ZNF114: variants seen among roughly 807,000 people sequenced by gnomAD.
ZNF114 encodes the protein zinc finger protein 114 (Y18).
Under a neutral mutation model 6.8 loss-of-function variants are expected in ZNF114, and 8 were observed. The ratio of observed to expected loss-of-function variants is 1.18; its 90% CI spans 0.69 to 2.13. The LOEUF is 2.13. Ranked by LOEUF, ZNF114 falls within the 30% of genes most tolerant of loss-of-function variation. The probability of loss-of-function intolerance (pLI) is 0.00; values close to 1 mark genes in which losing one functional copy is unlikely to be tolerated. For synonymous variants in ZNF114, 169 were observed against 185.5 expected (o/e 0.91, Z 0.72); for missense variants, 472 against 519.5 (o/e 0.91, Z 0.89).
At position 48,286,441 on chromosome 19, in the gene ZNF114, G is replaced by T; in HGVS notation, c.817G>T (p.Glu273Ter). 6.2e-7 allele frequency: 1 copy of T among 1,614,192 alleles called. No individual in the cohort carries two copies. The highest frequency in any genetic ancestry group is 8.5e-7 in the Non-Finnish European group (1 of 1,180,044). ...HAMQMQLYTAETNKKDCQTGA... is the reference protein window; with the variant it reads ...HAMQMQLYTA ...CATGCAGATGCAGTTGTATACCGCAGAGACAAACAAGAAGGATTGTCAAAC... is the reference window on the plus strand; with the variant it reads ...CATGCAGATGCAGTTGTATACCGCATAGACAAACAAGAAGGATTGTCAAAC... The change falls in exon 6 of 6, where the codon GAG becomes TAG. Residue 273 changes from glutamate to a stop codon, truncating the protein, a stop_gained. Transcript: ENST00000595607. LOFTEE classifies it low-confidence loss of function (END_TRUNC).
At chr19:48,280,972 C>T (rs1473699525) in intron 4 of ZNF114, among the ~76,000 whole-genome samples, 1 of 152,134 alleles carries the variant, frequency 6.6e-6, no homozygotes, top group Non-Finnish European at 1.5e-5. Flanking sequence ...TCGCGTGACT[C>T]AGGTACTCTT....
Position 48,285,930 on chromosome 19 carries a change from G to A in ZNF114, c.306G>A (p.Gly102=). The A allele has an allele frequency of 6.2e-7, 1 of 1,614,062 alleles. No homozygotes were observed. The highest frequency in any genetic ancestry group is 1.3e-5 in the African/African-American group (1 of 75,032). ...CPKTEEPHRQ[G]VNNVKPPAVA... ...AAACAGAGGAACCACACAGGCAGGG[G>A]GTGAATAATGTGAAGCCACCTGCAG... Residue 102 remains glycine (G), a synonymous_variant, in exon 6 of 6, where the codon GGG becomes GGA. Coordinates refer to ENST00000595607, the MANE Select transcript of ZNF114 (RefSeq NM_153608.4).
chr19:48,280,605 T>C (rs1238265845), intron 4 of ZNF114, among the ~76,000 whole-genome samples: 3 of 143,980 alleles, frequency 2.1e-5, no homozygotes, highest in African/African-American at 7.8e-5. Flanking sequence ...CAGGCTGGAG[T>C]GCAATGGCAT....
In ZNF114 at chr19:48,283,802, C is replaced by T. The variant is rs10409150; in HGVS notation, c.136+1305C>T. On this transcript the variant is annotated intron_variant, in intron 5 of 5. Transcript: ENST00000595607. ...AGGCTGGAGTGCAGTGGCGCGATCT[C>T]GGCTCACTGCAACCTCCACCTCCCG... is the stretch of plus-strand genomic sequence containing the variant. 1.4e-3 allele frequency among the ~76,000 whole-genome samples: 217 copies of T among 151,942 alleles called. 1 individual carries two copies. The highest frequency in any genetic ancestry group is 4.8e-3 in the African/African-American group (200 of 41,432).
chr19:48,284,891 G>C (rs1293200888), intron 5 of ZNF114, among the ~76,000 whole-genome samples: 5 of 152,188 alleles, frequency 3.3e-5, no homozygotes, highest in African/African-American at 4.8e-5. Flanking sequence ...GCAGTGTGCT[G>C]TGATCACACC....
intron 5 of ZNF114, among the ~76,000 whole-genome samples, chr19:48,283,189 A>C (rs1009126316): frequency 1.3e-5 from 2 of 152,090 alleles, no homozygotes; most frequent in East Asian, 3.9e-4. Context: ...CTAATGCATT[A>C]CATTTTTATT....
At chr19:48,277,389 G>A (rs987745797) in intron 3 of ZNF114, among the ~76,000 whole-genome samples, 22 of 152,108 alleles carry the variant, frequency 1.4e-4, no homozygotes, top group African/African-American at 5.1e-4. Context: ...CTGGAATTCT[G>A]TAGTTTTCCG....
intron 3 of ZNF114, among the ~76,000 whole-genome samples, chr19:48,276,033 A>C (rs10415586): frequency 0.44 from 60,032 of 136,916 alleles, 14,128 homozygotes; most frequent in East Asian, 0.53. Context: ...TCAAGCTAAC[A>C]TTGGTGGGGT....
At position 48,273,088 on chromosome 19, in the gene ZNF114, C is replaced by G. The variant is rs572900234; in HGVS notation, c.-70+1260C>G. Among the ~76,000 whole-genome samples the G allele has an allele frequency of 4.6e-5, 7 of 152,314 alleles. No homozygotes were observed. In the South Asian group the frequency reaches 1.0e-3, roughly 23 times the overall value. On this transcript the variant is annotated intron_variant, in intron 3 of 5. Transcript: ENST00000595607. ...GGGATTACAGGCGTGAGCCACAGCG[C>G]CTGGCCAGATAAAGAGCTTTGAGGG...
intron 3 of ZNF114, among the ~76,000 whole-genome samples, chr19:48,274,809 A>C (rs1967781637): frequency 6.6e-6 from 1 of 151,262 alleles, no homozygotes; most frequent in African/African-American, 2.4e-5. Flanking sequence ...CCTGGCCTAG[A>C]GTTATGTTTC....
chr19:48,284,944 G>A (rs939647379), intron 5 of ZNF114, among the ~76,000 whole-genome samples: 2 of 151,812 alleles, frequency 1.3e-5, no homozygotes, highest in African/African-American at 4.8e-5. Context: ...GGGCAACCTA[G>A]TGACACCCTC....
chr19:48,270,713 AAG>A (rs374594651), intron 1 of ZNF114, among the ~76,000 whole-genome samples: 26 of 145,630 alleles, frequency 1.8e-4, no homozygotes, highest in African/African-American at 7.0e-4. Flanking sequence ...AAAAGAAAGA[AAG>A]AGAAGAAAGA....
Position 48,286,216 on chromosome 19 carries a change from A to G in ZNF114, c.592A>G (p.Ser198Gly). ...PCGRKTELKS[S>G]TWTGSQNTVH... Reference sequence around the variant, plus strand: ...TGGGAGAAAAACAGAGCTGAAATCAAGCACATGGACTGGCAGTCAGAACAC... The same window carrying G: ...TGGGAGAAAAACAGAGCTGAAATCAGGCACATGGACTGGCAGTCAGAACAC... Residue 198 changes from serine (S) to glycine (G), a missense_variant, in exon 6 of 6, where the codon AGC becomes GGC. Ser to Gly is a moderately conservative substitution (Grantham distance 56). Coordinates refer to ENST00000595607, the MANE Select transcript of ZNF114 (RefSeq NM_153608.4). 6 of 1,614,250 alleles carry G rather than the reference A, an allele frequency of 3.7e-6. No homozygotes were observed. The highest frequency in any genetic ancestry group is 5.1e-6 in the Non-Finnish European group (6 of 1,180,052).
intron 3 of ZNF114, among the ~76,000 whole-genome samples, chr19:48,276,851 AT>A (rs1326773207): frequency 6.6e-6 from 1 of 152,178 alleles, no homozygotes; most frequent in Non-Finnish European, 1.5e-5. Context: ...AAAATATTCA[AT>A]TGTCCCAACT....
chr19:48,283,791 T>C (rs2147294912), intron 5 of ZNF114, among the ~76,000 whole-genome samples: 2 of 152,094 alleles, frequency 1.3e-5, no homozygotes, highest in South Asian at 4.2e-4. Context: ...TGGAGTGCAG[T>C]GGCGCGATCT....
intron 3 of ZNF114, among the ~76,000 whole-genome samples, chr19:48,275,982 A>G (rs1967818522): frequency 1.0e-5 from 1 of 99,394 alleles, no homozygotes; most frequent in African/African-American, 3.0e-5. Context: ...ACTCCATCTC[A>G]AAAAAAAAAA....
At chr19:48,273,361 C>T (rs1470053623) in intron 3 of ZNF114, among the ~76,000 whole-genome samples, 1 of 152,014 alleles carries the variant, frequency 6.6e-6, no homozygotes, top group Non-Finnish European at 1.5e-5. Flanking sequence ...AGGCAAAAGC[C>T]AACCTCAGCC....
intron 5 of ZNF114, among the ~76,000 whole-genome samples, chr19:48,284,858 C>G (rs766448356): frequency 3.3e-5 from 5 of 152,216 alleles, no homozygotes; most frequent in Non-Finnish European, 7.3e-5. Flanking sequence ...AAGAGGATCA[C>G]TTGATCCCAA....
intron 4 of ZNF114, among the ~76,000 whole-genome samples, chr19:48,281,192 C>T (rs964896415): frequency 3.3e-5 from 5 of 152,202 alleles, no homozygotes; most frequent in Non-Finnish European, 7.3e-5. Flanking sequence ...CTCTACCAAT[C>T]GACTGTACCT....
Sources: gnomAD v4.1 joint callset for allele counts (sites outside exome capture counted in the v4.1 genomes callset) on GRCh38, gnomAD v4.1.1 for gene constraint, MANE v1.5 for transcripts, NCBI Gene and HGNC (gene_info 2026-07-23, HGNC 2026-07-21) for gene names.